INTS10: variants seen among roughly 807,000 people sequenced by gnomAD.
INTS10 encodes the protein chromosome 8 open reading frame 35.
Under a neutral mutation model 94.4 loss-of-function variants are expected in INTS10, and 44 were observed. The ratio of observed to expected loss-of-function variants is 0.47; its 90% CI spans 0.37 to 0.60. The LOEUF (loss-of-function observed/expected upper bound fraction) is 0.60, where lower values mean the gene tolerates loss of function less well. Ranked by LOEUF, INTS10 falls within the 20% of genes least tolerant of loss-of-function variation. The pLI, the probability that INTS10 is intolerant of heterozygous loss-of-function variation, is 0.00. For synonymous variants in INTS10, 341 were observed against 320.7 expected (o/e 1.06, Z -0.68); for missense variants, 797 against 868.7 (o/e 0.92, Z 1.04).
chr8:19,850,741 A>C (rs535700692), intron 16 of INTS10, among the ~76,000 whole-genome samples: 1 of 152,124 alleles, frequency 6.6e-6, no homozygotes, highest in Admixed American at 6.5e-5. Context: ...TAGTAGGTAA[A>C]ACTCCCTTCC....
Position 19,845,731 on chromosome 8 carries a change from A to G in INTS10, c.1910A>G (p.Tyr637Cys), listed in dbSNP as rs1050067045. ...TNIDMLEEFA[Y>C]LRTQEGGKIH... ...ATTGATATGCTGGAGGAATTTGCCT[A>G]CTTGAGAACTCAGGAAGGTGGGAAA... The change falls in exon 16 of 17, where the codon TAC becomes TGC. Residue 637 changes from tyrosine to cysteine, a missense_variant. Physicochemically the swap from Tyr to Cys is radical, Grantham distance 194. Transcript: ENST00000397977. 1 of 1,613,652 alleles carries G rather than the reference A, an allele frequency of 6.2e-7. No homozygotes were observed. The highest frequency in any genetic ancestry group is 1.3e-5 in the African/African-American group (1 of 74,918).
chr8:19,834,811 T>C (rs1259089325), intron 12 of INTS10, among the ~76,000 whole-genome samples: 1 of 152,066 alleles, frequency 6.6e-6, no homozygotes, highest in Non-Finnish European at 1.5e-5. Flanking sequence ...TTGTAAACAA[T>C]AGGAATTCAT....
At chr8:19,830,759 A>G (rs2067167223) in intron 10 of INTS10, among the ~76,000 whole-genome samples, 200 bp downstream of exon 10, 1 of 151,880 alleles carries the variant, frequency 6.6e-6, no homozygotes, top group South Asian at 2.1e-4. Context: ...TGCAACGCTC[A>G]CCTCCTGGGT....
At chr8:19,836,294 A>G (rs186375958) in intron 12 of INTS10, among the ~76,000 whole-genome samples, 3 of 152,146 alleles carry the variant, frequency 2.0e-5, no homozygotes, top group Admixed American at 1.3e-4. Context: ...CACAGATAAA[A>G]GGCTCATTGC....
chr8:19,824,052 A>G lies in INTS10; in HGVS notation c.836+8A>G. 6.3e-7 allele frequency: 1 copy of G among 1,578,604 alleles called. No homozygotes were observed. Among genetic ancestry groups the G allele is most frequent in the East Asian group, 2.3e-5 (1 of 44,162 alleles). The stretch of plus-strand genomic sequence containing the variant: ...GATGGATAAAGGAAGACGGTAATAA[A>G]TAGCTTATTTCCAGAATTGCCTATT... On this transcript the variant is annotated splice_region_variant and intron_variant, in intron 7 of 16. Coordinates refer to ENST00000397977, the MANE Select transcript of INTS10 (RefSeq NM_018142.4).
chr8:19,830,617 C>T (rs970686998), intron 10 of INTS10, 58 bp downstream of exon 10: 1 of 1,470,722 alleles, frequency 6.8e-7, no homozygotes, highest in South Asian at 1.2e-5. Context: ...CATTACGCTA[C>T]TTCAAATGTC....
chr8:19,834,004 C>T (rs1412994253), intron 12 of INTS10, among the ~76,000 whole-genome samples: 1 of 109,590 alleles, frequency 9.1e-6, no homozygotes, highest in Non-Finnish European at 1.9e-5. Flanking sequence ...CAGACTCTGT[C>T]TCAAAAAAAA....
Position 19,820,494 on chromosome 8 carries a change from C to T in INTS10, c.417C>T (p.Phe139=). The change falls in exon 4 of 17, where the codon TTC becomes TTT. Residue 139 remains phenylalanine, a synonymous_variant. Coordinates refer to ENST00000397977, the MANE Select transcript of INTS10 (RefSeq NM_018142.4). ...TGTTGCTTCTACTTTTGAGGCGCTT[C>T]CCTGAAACGGTGGTGCAGCATGGGG... ...SEMLLLLLRR[F]PETVVQHGVG... 2 of 1,612,816 alleles carry T rather than the reference C, an allele frequency of 1.2e-6. No homozygotes were observed. Among genetic ancestry groups the T allele is most frequent in the Non-Finnish European group, 1.7e-6 (2 of 1,179,024 alleles).
rs2067275348 is a variant in INTS10 at position 19,832,120 on chromosome 8, T to G, written c.1377+10T>G. The G allele has an allele frequency of 2.0e-6, 3 of 1,464,080 alleles. No homozygotes were observed. Among genetic ancestry groups the G allele is most frequent in the Non-Finnish European group, 2.9e-6 (3 of 1,043,108 alleles). 90.7% of individuals were successfully genotyped at this position (1,464,080 alleles called of 1,614,324 possible). On this transcript the variant is annotated intron_variant, in intron 11 of 16. Transcript: ENST00000397977. ...TATGATCATCTATCAGGTAGAGTAT[T>G]ATACATATTTTAGGTACCTGTGTCT... is the stretch of plus-strand genomic sequence containing the variant.
chr8:19,842,768 A>G (rs2068233171), intron 13 of INTS10, 80 bp from the exon 14 acceptor site: 9 of 802,250 alleles, frequency 1.1e-5, no homozygotes, highest in South Asian at 3.2e-5. Context: ...TGTTAATGAA[A>G]GCATCTTAAA....
chr8:19,845,865 G>C (rs1391205111), intron 16 of INTS10, 68 bp downstream of exon 16: 3 of 1,089,070 alleles, frequency 2.8e-6, no homozygotes, highest in East Asian at 2.4e-5. Context: ...TGAAGTATTT[G>C]TAAATGTCTA....
Position 19,846,781 on chromosome 8 carries a change from C to T in INTS10, c.1976+984C>T, listed in dbSNP as rs563210070. Among the ~76,000 whole-genome samples the T allele has an allele frequency of 1.3e-5, 2 of 152,260 alleles. No homozygotes were observed. Among genetic ancestry groups the T allele is most frequent in the South Asian group, 4.1e-4 (2 of 4,824 alleles). ...AATCTTGCTTCTCTCCTTCAATCCT[C>T]ATTGTAGTTTGGGTAATATATCCTC... On this transcript the variant is annotated intron_variant, in intron 16 of 16. Coordinates refer to ENST00000397977, the MANE Select transcript of INTS10 (RefSeq NM_018142.4). This position sits in a 1 kb window ranked among gnomAD's most constrained non-coding sequence, Gnocchi z 4.2.
chr8:19,817,640 C>G lies in INTS10; in HGVS notation c.103C>G (p.Leu35Val), dbSNP rs201599025. Reference protein sequence around the residue: ...AKAWLITARSLYPADFNIQYE... With the variant: ...AKAWLITARSVYPADFNIQYE... ...GGCGTGGCTGATCACGGCCCGCAGC[C>G]TCTACCCGGCAGACTTTAACATCCA... Residue 35 changes from leucine to valine, a missense_variant, in exon 1 of 17, where the codon CTC becomes GTC. This residue lies in a region of INTS10 where 734 missense variants were observed against 787.8 expected (regional missense o/e 0.93). Coordinates refer to ENST00000397977, the MANE Select transcript of INTS10 (RefSeq NM_018142.4). The G allele has an allele frequency of 1.9e-6, 3 of 1,607,298 alleles. No individual in the cohort carries two copies. Among genetic ancestry groups the G allele is most frequent in the Non-Finnish European group, 2.5e-6 (3 of 1,177,618 alleles).
At chr8:19,829,787 A>C (rs1416945809) in intron 9 of INTS10, among the ~76,000 whole-genome samples, 1 of 151,942 alleles carries the variant, frequency 6.6e-6, no homozygotes, top group African/African-American at 2.4e-5. Context: ...TTGTGTCTCA[A>C]CCTCCTGAGT....
intron 15 of INTS10, chr8:19,845,343 A>T (rs911686775): frequency 3.5e-5 from 6 of 171,596 alleles, no homozygotes; most frequent in African/African-American, 9.4e-5. Flanking sequence ...GAAAACAAAA[A>T]AATTTTGCTC....
intron 13 of INTS10, chr8:19,841,760 ATG>A: frequency 2.2e-6 from 1 of 447,854 alleles, no homozygotes; most frequent in Non-Finnish European, 4.5e-6. Flanking sequence ...TAATTATTAA[ATG>A]TACCTCGCGT....
intron 16 of INTS10, among the ~76,000 whole-genome samples, chr8:19,847,345 A>T (rs2068663547): frequency 6.6e-6 from 1 of 152,244 alleles, no homozygotes; most frequent in Non-Finnish European, 1.5e-5. Flanking sequence ...AAGATCGTGA[A>T]TCGAAACTTT....
chr8:19,845,637 C>T, intron 15 of INTS10, 67 bp from the exon 16 acceptor site: 13 of 1,116,900 alleles, frequency 1.2e-5, no homozygotes, highest in Middle Eastern at 2.0e-4. Context: ...CTGCCGAGAC[C>T]CCATTTCCTC....
intron 13 of INTS10, among the ~76,000 whole-genome samples, chr8:19,841,217 T>G (rs1226861678): frequency 6.6e-6 from 1 of 152,186 alleles, no homozygotes; most frequent in Non-Finnish European, 1.5e-5. Context: ...TCCTTCACAC[T>G]ACATAGACAT....
Sources: gnomAD v4.1 joint callset for allele counts (sites outside exome capture counted in the v4.1 genomes callset) on GRCh38, gnomAD v4.1.1 for gene constraint, gnomAD v4.1.1 regional missense constraint, Gnocchi (gnomAD v3.1) non-coding constraint, MANE v1.5 for transcripts, NCBI Gene and HGNC (gene_info 2026-07-23, HGNC 2026-07-21) for gene names.